The following EXPH5 variants were observed in gnomAD, a reference collection of about 807,000 sequenced individuals.
EXPH5 encodes the protein exophilin-5.
A neutral mutation model predicts 41.1 loss-of-function variants in EXPH5; 42 were observed. The observed-to-expected ratio is 1.02, with a 90% confidence interval of 0.80 to 1.32. The LOEUF (loss-of-function observed/expected upper bound fraction) is 1.32. Ranked by LOEUF, EXPH5 falls within the 40% of genes most tolerant of loss-of-function variation. EXPH5 has a pLI of 0.00. For missense variants in EXPH5, 2,298 were observed against 2,314.5 expected (o/e 0.99, Z 0.15); for synonymous variants, 798 against 833.5 (o/e 0.96, Z 0.73).
chr11:108,543,578 C>T (rs186716819), intron 1 of EXPH5, among the ~76,000 whole-genome samples: 7 of 152,176 alleles, frequency 4.6e-5, no homozygotes, highest in Admixed American at 4.6e-4. Flanking sequence ...CAGGGTCTGT[C>T]GTAAAGCACA....
Position 108,506,544 on chromosome 11 carries a change from A to C in EXPH5, c.*2993T>G, listed in dbSNP as rs941239185. The C allele has an allele frequency of 2.6e-5, 4 of 152,222 alleles. No homozygotes were observed. Among genetic ancestry groups the C allele is most frequent in the Non-Finnish European group, 5.9e-5 (4 of 68,032 alleles). 9.4% of individuals were successfully genotyped at this position (152,222 alleles called of 1,614,324 possible). ...AAGCTAACTTCATTTCACCTTTTGTAGCATACACGTAGACTCAGAGTATAT... is the reference window on the plus strand; with the variant it reads ...AAGCTAACTTCATTTCACCTTTTGTCGCATACACGTAGACTCAGAGTATAT... On this transcript the variant is annotated 3_prime_UTR_variant, in exon 6 of 6. Coordinates refer to ENST00000265843, the MANE Select transcript of EXPH5 (RefSeq NM_015065.3).
chr11:108,586,320 A>G (rs957647108), intron 1 of EXPH5, among the ~76,000 whole-genome samples: 3 of 152,244 alleles, frequency 2.0e-5, no homozygotes, highest in East Asian at 1.9e-4. Context: ...GCCATTCTCA[A>G]AAGGTTATGT....
chr11:108,544,406 G>A (rs1411802824), intron 1 of EXPH5, among the ~76,000 whole-genome samples: 4 of 152,060 alleles, frequency 2.6e-5, no homozygotes, highest in Non-Finnish European at 5.9e-5. Flanking sequence ...GGCCTCAAGC[G>A]ATCCTCCCAC....
intron 1 of EXPH5, among the ~76,000 whole-genome samples, chr11:108,588,441 G>C (rs935426435): frequency 6.6e-6 from 1 of 152,112 alleles, no homozygotes; most frequent in African/African-American, 2.4e-5. Flanking sequence ...TCAACTTTTT[G>C]GTACTGTAGG....
rs2093653639 is a variant in EXPH5 at position 108,508,004 on chromosome 11, C to CAAAAAAAACAA, written c.*1532_*1533insTTGTTTTTTTT. 1 of 66,756 alleles carries CAAAAAAAACAA rather than the reference C, an allele frequency of 1.5e-5. No individual in the cohort carries two copies. Among genetic ancestry groups the CAAAAAAAACAA allele is most frequent in the African/African-American group, 6.3e-5 (1 of 15,894 alleles). The allele number at this position is 66,756 out of a possible 1,614,324, so 4.1% of individuals were successfully genotyped here. Reference sequence around the variant, plus strand: ...GAAACTCCAACTCTACTAAAAATACCAAAAAAAAAAAAAAAAAAAAAAAAA... The same window carrying CAAAAAAAACAA: ...GAAACTCCAACTCTACTAAAAATACCAAAAAAAACAAAAAAAAAAAAAAAAAAAAAAAAAAA... On this transcript the variant is annotated 3_prime_UTR_variant, in exon 6 of 6. Coordinates refer to ENST00000265843, the MANE Select transcript of EXPH5 (RefSeq NM_015065.3).
At chr11:108,574,176 G>A (rs963202730) in intron 1 of EXPH5, among the ~76,000 whole-genome samples, 7 of 151,672 alleles carry the variant, frequency 4.6e-5, no homozygotes, top group East Asian at 1.9e-4. Flanking sequence ...CCCAAAGTGC[G>A]GAGATTACAG....
At chr11:108,524,195 C>T (rs1485887476) in intron 4 of EXPH5, among the ~76,000 whole-genome samples, 2 of 152,202 alleles carry the variant, frequency 1.3e-5, no homozygotes, top group Non-Finnish European at 2.9e-5. Flanking sequence ...TGGCTCTGCC[C>T]ATTAATATTT....
intron 1 of EXPH5, among the ~76,000 whole-genome samples, chr11:108,561,567 C>T (rs2094011721): frequency 6.6e-6 from 1 of 152,148 alleles, no homozygotes; most frequent in Admixed American, 6.5e-5. Context: ...TGGGTAGTTC[C>T]TGTGCTTTGC....
Position 108,514,441 on chromosome 11 carries a change from G to A in EXPH5, c.1066C>T (p.Pro356Ser). ...ATTQSKSGFIPPRHQQSPKRT... is the reference protein window; with the variant it reads ...ATTQSKSGFISPRHQQSPKRT... The stretch of plus-strand genomic sequence containing the variant: ...TTTGGACTCTGCTGGTGCCTTGGTG[G>A]TATAAACCCACTCTTGCTCTGAGTT... The change falls in exon 6 of 6, where the codon CCA becomes TCA. Residue 356 changes from proline to serine, a missense_variant. Physicochemically the swap from Pro to Ser is moderately conservative, Grantham distance 74. Coordinates refer to ENST00000265843, the MANE Select transcript of EXPH5 (RefSeq NM_015065.3). 2 of 1,614,076 alleles carry A rather than the reference G, an allele frequency of 1.2e-6. No homozygotes were observed. Among genetic ancestry groups the A allele is most frequent in the Non-Finnish European group, 1.7e-6 (2 of 1,179,982 alleles).
At chr11:108,599,046 G>A in the EXPH5 span, among the ~76,000 whole-genome samples, 6 of 152,122 alleles carry the variant, frequency 3.9e-5, no homozygotes, top group Admixed American at 2.6e-4. Context: ...GAGAGAGAGA[G>A]AGAGAGAGAT....
At position 108,511,485 on chromosome 11, in the gene EXPH5, G is replaced by A. The variant is rs115484033; in HGVS notation, c.4022C>T (p.Ala1341Val). The A allele has an allele frequency of 1.1e-5, 17 of 1,588,142 alleles. No homozygotes were observed. Among genetic ancestry groups the A allele is most frequent in the Middle Eastern group, 3.4e-4 (2 of 5,898 alleles). Residue 1341 changes from alanine to valine, a missense_variant, in exon 6 of 6, where the codon GCT becomes GTT. By Grantham distance (64) the Ala-to-Val change is moderately conservative (BLOSUM62 0). Coordinates refer to ENST00000265843, the MANE Select transcript of EXPH5 (RefSeq NM_015065.3). ...AGAAGCCATTTCCTGTAATGTAGGA[G>A]CTAGGGGCCCCCTATTTGATAATCG... is the stretch of plus-strand genomic sequence containing the variant. ...AFRLSNRGPL[A>V]PTLQEMASVE...
chr11:108,562,005 C>T (rs138791579), intron 1 of EXPH5, among the ~76,000 whole-genome samples: 1 of 152,292 alleles, frequency 6.6e-6, no homozygotes, highest in African/African-American at 2.4e-5. Flanking sequence ...ATTCCGGTTC[C>T]TGAGGACTGG....
rs772420646 is a variant in EXPH5 at position 108,528,278 on chromosome 11, C to A, written c.444-94G>T. 338 of 800,752 alleles carry A rather than the reference C, an allele frequency of 4.2e-4. 1 individual carries two copies. Among genetic ancestry groups the A allele is most frequent in the Admixed American group, 7.5e-4 (38 of 50,536 alleles). 49.6% of individuals were successfully genotyped at this position (800,752 alleles called of 1,614,324 possible). Reference sequence around the variant, plus strand: ...GCACATTTGCCATAAGATTTTGACACCTTGAGAAGATCTATTTCTAATTCA... The same window carrying A: ...GCACATTTGCCATAAGATTTTGACAACTTGAGAAGATCTATTTCTAATTCA... On this transcript the variant is annotated intron_variant, in intron 3 of 5. Coordinates refer to ENST00000265843, the MANE Select transcript of EXPH5 (RefSeq NM_015065.3).
Position 108,518,268 on chromosome 11 carries a change from C to A in EXPH5, c.598G>T (p.Asp200Tyr), listed in dbSNP as rs1565786549. The A allele has an allele frequency of 6.2e-7, 1 of 1,613,802 alleles. No homozygotes were observed. The highest frequency in any genetic ancestry group is 1.3e-5 in the African/African-American group (1 of 74,906). Residue 200 changes from aspartate (D) to tyrosine (Y), a missense_variant, in exon 5 of 6, where the codon GAT (aspartate) becomes TAT (tyrosine). Coordinates refer to ENST00000265843, the MANE Select transcript of EXPH5 (RefSeq NM_015065.3). The stretch of plus-strand genomic sequence containing the variant: ...AACTCATTCTCCAGCAGTGAAGCAT[C>A]CCACGGTGGAGGCATGCCACTCTCC... ...REESGMPPPWDASLLENEFFQ... is the reference protein window; with the variant it reads ...REESGMPPPWYASLLENEFFQ...
At chr11:108,604,525 G>T in the EXPH5 span, among the ~76,000 whole-genome samples, 4 of 152,102 alleles carry the variant, frequency 2.6e-5, no homozygotes, top group Non-Finnish European at 5.9e-5. Context: ...TGTTTTATGT[G>T]TATTATTATT....
At position 108,511,755 on chromosome 11, in the gene EXPH5, G is replaced by A; in HGVS notation, c.3752C>T (p.Ser1251Leu). ...EDNVKCLEVV[S>L]IYYTLPRKPS... ...TTTCCTCGGTAGAGTGTAATATATTGAGACCACCTCCAGACATTTTACATT... is the reference window on the plus strand; with the variant it reads ...TTTCCTCGGTAGAGTGTAATATATTAAGACCACCTCCAGACATTTTACATT... Residue 1251 changes from serine (S) to leucine (L), a missense_variant, in exon 6 of 6, where the codon TCA becomes TTA. Ser to Leu is a moderately radical substitution (Grantham distance 145). Coordinates refer to ENST00000265843, the MANE Select transcript of EXPH5 (RefSeq NM_015065.3). 1 of 1,612,204 alleles carries A rather than the reference G, an allele frequency of 6.2e-7. No homozygotes were observed. The highest frequency in any genetic ancestry group is 8.5e-7 in the Non-Finnish European group (1 of 1,179,568).
At chr11:108,558,959 G>A (rs997263842) in intron 1 of EXPH5, among the ~76,000 whole-genome samples, 15 of 152,156 alleles carry the variant, frequency 9.9e-5, no homozygotes, top group African/African-American at 3.4e-4. Flanking sequence ...ACTTGCCAGA[G>A]GTTGTAAAGT....
intron 4 of EXPH5, among the ~76,000 whole-genome samples, chr11:108,519,304 T>A (rs2093748705): frequency 6.6e-6 from 1 of 152,044 alleles, no homozygotes; most frequent in Admixed American, 6.6e-5. Flanking sequence ...CAGATCTTAG[T>A]GGGGGTTCCT....
chr11:108,582,940 T>G (rs2094102995), intron 1 of EXPH5, among the ~76,000 whole-genome samples: 1 of 152,232 alleles, frequency 6.6e-6, no homozygotes, highest in Admixed American at 6.5e-5. Flanking sequence ...TCATTTTAAC[T>G]TGATTTTCTC....
Sources: gnomAD v4.1 joint callset for allele counts (sites outside exome capture counted in the v4.1 genomes callset) on GRCh38, gnomAD v4.1.1 for gene constraint, MANE v1.5 for transcripts, NCBI Gene and HGNC (gene_info 2026-07-23, HGNC 2026-07-21) for gene names.